Variants in MIPEP observed in about 807,000 individuals in gnomAD.
The protein encoded by MIPEP is mitochondrial intermediate peptidase.
Under a neutral mutation model 90.3 loss-of-function variants are expected in MIPEP, and 79 were observed. That is an observed-to-expected ratio of 0.87 (90% CI 0.73 to 1.05). The LOEUF is 1.05. Ranked by LOEUF, MIPEP falls within the 50% of genes least tolerant of loss-of-function variation. The pLI is 0.00. For missense variants in MIPEP, 940 were observed against 905.6 expected (o/e 1.04, Z -0.49); for synonymous variants, 334 against 315.8 (o/e 1.06, Z -0.61).
At chr13:23,811,762 C>T (rs542440884) in intron 14 of MIPEP, among the ~76,000 whole-genome samples, 14 of 152,304 alleles carry the variant, frequency 9.2e-5, no homozygotes, top group African/African-American at 3.4e-4. Context: ...AGACCCACCT[C>T]CCAACCAGAA....
At chr13:23,833,869 G>T (rs1868893215) in intron 14 of MIPEP, among the ~76,000 whole-genome samples, 1 of 152,142 alleles carries the variant, frequency 6.6e-6, no homozygotes, top group Non-Finnish European at 1.5e-5. Context: ...TCTCACTTTG[G>T]CAGCGGCCAC....
At chr13:23,881,583 C>T (rs1313315668) in intron 3 of MIPEP, 116 bp downstream of exon 3, 11 of 865,226 alleles carry the variant, frequency 1.3e-5, no homozygotes, top group Middle Eastern at 2.9e-4. Context: ...TCACACACAC[C>T]TCCCACCCTG....
At position 23,839,720 on chromosome 13, in the gene MIPEP, C is replaced by T. The variant is rs1164225712; in HGVS notation, c.1267G>A (p.Val423Ile). Reference protein sequence around the residue: ...WSEDVRKLAVVHESEGLLGYI... With the variant: ...WSEDVRKLAVIHESEGLLGYI... ...CCCAACAATCCTTCAGATTCATGAA[C>T]AACAGCCTAGAAAAAAAAATTTAAA... The change falls in exon 12 of 19, where the codon GTT becomes ATT. Residue 423 changes from valine to isoleucine, a missense_variant. Physicochemically the swap from Val to Ile is conservative, Grantham distance 29. Transcript: ENST00000382172. 1 of 1,608,452 alleles carries T rather than the reference C, an allele frequency of 6.2e-7. No homozygotes were observed. The highest frequency in any genetic ancestry group is 8.5e-7 in the Non-Finnish European group (1 of 1,178,448).
At chr13:23,781,559 T>C (rs1952782437) in intron 16 of MIPEP, among the ~76,000 whole-genome samples, 1 of 152,098 alleles carries the variant, frequency 6.6e-6, no homozygotes, top group Non-Finnish European at 1.5e-5. Flanking sequence ...GCGAGCAAAA[T>C]AACCAGCTAA....
chr13:23,811,856 A>G (rs1252068477), intron 14 of MIPEP, among the ~76,000 whole-genome samples: 1 of 152,166 alleles, frequency 6.6e-6, no homozygotes, highest in Non-Finnish European at 1.5e-5. Flanking sequence ...CCCCTGCCTG[A>G]CAAAGTATCT....
At chr13:23,740,191 C>T (rs1352015027) in intron 18 of MIPEP, among the ~76,000 whole-genome samples, 1 of 152,196 alleles carries the variant, frequency 6.6e-6, no homozygotes, top group Non-Finnish European at 1.5e-5. Context: ...TGCAGGCAGA[C>T]ACCCTGCGGT....
chr13:23,739,444 C>T (rs1952302100), intron 18 of MIPEP, among the ~76,000 whole-genome samples: 1 of 152,218 alleles, frequency 6.6e-6, no homozygotes, highest in Non-Finnish European at 1.5e-5. Context: ...ATGAGAAAAG[C>T]TCAGAAACAC....
intron 18 of MIPEP, 122 bp downstream of exon 18, chr13:23,756,423 C>A (rs757685276): frequency 2.0e-6 from 2 of 1,015,764 alleles, no homozygotes; most frequent in South Asian, 1.3e-5. Flanking sequence ...TCCCAAAGTG[C>A]TGGGATTACA....
chr13:23,772,222 C>T (rs1390155631), intron 16 of MIPEP, among the ~76,000 whole-genome samples: 2 of 152,258 alleles, frequency 1.3e-5, no homozygotes, highest in South Asian at 2.1e-4. Context: ...ACTAAGGCTG[C>T]CTGCATTCTA....
intron 16 of MIPEP, among the ~76,000 whole-genome samples, chr13:23,772,699 A>G (rs1289271493): frequency 1.3e-5 from 2 of 152,140 alleles, no homozygotes; most frequent in African/African-American, 4.8e-5. Context: ...TTCCTTCTAG[A>G]TCTATAGGTT....
chr13:23,802,452 C>T (rs1291062570), intron 16 of MIPEP, among the ~76,000 whole-genome samples: 1 of 151,962 alleles, frequency 6.6e-6, no homozygotes, highest in Non-Finnish European at 1.5e-5. Flanking sequence ...CCTGTAATCC[C>T]AGCTACTCAG....
At chr13:23,818,970 G>C (rs904279278) in intron 14 of MIPEP, among the ~76,000 whole-genome samples, 2 of 152,196 alleles carry the variant, frequency 1.3e-5, no homozygotes, top group Non-Finnish European at 2.9e-5. Context: ...TAGATGGCAA[G>C]ACCTGACCTG....
chr13:23,788,988 T>C (rs1348855368), intron 16 of MIPEP, among the ~76,000 whole-genome samples: 2 of 152,200 alleles, frequency 1.3e-5, no homozygotes, highest in African/African-American at 4.8e-5. Context: ...GTTTATTTTT[T>C]GTAGAGACAT....
chr13:23,817,973 A>G (rs1344743671), intron 14 of MIPEP, among the ~76,000 whole-genome samples: 1 of 152,216 alleles, frequency 6.6e-6, no homozygotes, highest in Non-Finnish European at 1.5e-5. Context: ...ATGAAAGCAG[A>G]AAAATAAAAT....
At chr13:23,869,529 C>G (rs1405825661) in intron 6 of MIPEP, 81 bp from the exon 7 acceptor site, 1 of 1,252,902 alleles carries the variant, frequency 8.0e-7, no homozygotes, top group South Asian at 1.7e-5. Context: ...TCATGCTCAC[C>G]ACTTGATCTG....
chr13:23,765,991 G>C (rs929866144), intron 16 of MIPEP: 6 of 152,066 alleles, frequency 3.9e-5, no homozygotes, highest in Admixed American at 3.3e-4. Flanking sequence ...TACATTTCAA[G>C]ACCACCACAC....
intron 10 of MIPEP, among the ~76,000 whole-genome samples, chr13:23,855,513 G>A (rs1384835746): frequency 6.6e-6 from 1 of 152,072 alleles, no homozygotes; most frequent in African/African-American, 2.4e-5. Context: ...ACACATTTAA[G>A]TCTTTACTTG....
chr13:23,769,318 G>C (rs576138563), intron 16 of MIPEP, among the ~76,000 whole-genome samples: 1 of 152,120 alleles, frequency 6.6e-6, no homozygotes, highest in Non-Finnish European at 1.5e-5. Flanking sequence ...CGACAAGAAG[G>C]GTTCTGTTTT....
chr13:23,747,400 C>T, intron 18 of MIPEP: 3 of 350,306 alleles, frequency 8.6e-6, no homozygotes, highest in South Asian at 7.0e-5. Context: ...GGATAGCGGA[C>T]CCCCTTTCTT....
Sources: gnomAD v4.1 joint callset for allele counts (sites outside exome capture counted in the v4.1 genomes callset) on GRCh38, gnomAD v4.1.1 for gene constraint, MANE v1.5 for transcripts, NCBI Gene and HGNC (gene_info 2026-07-23, HGNC 2026-07-21) for gene names.